Variants in MTUS1 observed in about 807,000 individuals in gnomAD.
The protein encoded by MTUS1 is microtubule associated scaffold protein 1, also known as microtubule-associated tumor suppressor 1.
In MTUS1, 109 loss-of-function variants were observed where a neutral mutation model predicts 120.8. The ratio of observed to expected loss-of-function variants is 0.90; its 90% CI spans 0.77 to 1.06. The LOEUF is 1.06. Ranked by LOEUF, MTUS1 falls within the 50% of genes least tolerant of loss-of-function variation. MTUS1 has a pLI of 0.00. For missense variants in MTUS1, 2,210 were observed against 1,486.3 expected, an observed-to-expected ratio of 1.49 and a Z score of -8.01; for synonymous variants, 737 against 550.5, an observed-to-expected ratio of 1.34 and a Z score of -4.74.
chr8:17,776,152 A>C (rs2050412006), intron 1 of MTUS1, among the ~76,000 whole-genome samples: 1 of 152,194 alleles, frequency 6.6e-6, no homozygotes, highest in Non-Finnish European at 1.5e-5. Context: ...AGAAAAAAAA[A>C]CAACAATACA....
intron 3 of MTUS1, among the ~76,000 whole-genome samples, chr8:17,742,269 G>GTTTTTGTTTTTTTTT (rs1554516813): frequency 1.1e-5 from 1 of 94,900 alleles, no homozygotes; most frequent in Non-Finnish European, 2.1e-5. Flanking sequence ...ATGCCCAGCT[G>GTTTTTGTTTTTTTTT]TTTTTTTTTT....
At chr8:17,735,495 A>C (rs1006165937) in intron 3 of MTUS1, among the ~76,000 whole-genome samples, 2 of 152,140 alleles carry the variant, frequency 1.3e-5, no homozygotes, top group Admixed American at 6.5e-5. Flanking sequence ...CTCATCTGTC[A>C]TTGACCCCGG....
chr8:17,798,846 G>A (rs967052045), intron 1 of MTUS1, among the ~76,000 whole-genome samples: 2 of 152,092 alleles, frequency 1.3e-5, no homozygotes, highest in African/African-American at 2.4e-5. Context: ...TCCATAAAAG[G>A]CTCTTATGAA....
At chr8:17,797,727 C>T (rs1468430150) in intron 1 of MTUS1, among the ~76,000 whole-genome samples, 7 of 152,192 alleles carry the variant, frequency 4.6e-5, no homozygotes, top group African/African-American at 1.7e-4. Context: ...CCCCTAAGCA[C>T]GCAGATCCTG....
In MTUS1 at chr8:17,660,542, A is replaced by C. The variant is rs568131069; in HGVS notation, c.2906-4477T>G. Among the ~76,000 whole-genome samples, 36 of 152,234 alleles carry C rather than the reference A, an allele frequency of 2.4e-4. 1 individual carries two copies. In the South Asian group the frequency reaches 7.3e-3, roughly 31 times the overall value. On this transcript the variant is annotated intron_variant, in intron 8 of 14. Coordinates refer to ENST00000693296, the MANE Select transcript of MTUS1 (RefSeq NM_001363059.2). ...GTCCCTGCTTTCAATTCTTTGGTGT[A>C]TATACCCAGAAGGAATTGCTGACTC...
At chr8:17,677,980 A>C (rs1813468498) in intron 7 of MTUS1, among the ~76,000 whole-genome samples, 1 of 152,196 alleles carries the variant, frequency 6.6e-6, no homozygotes, top group Admixed American at 6.5e-5. Flanking sequence ...GCCTACCTAG[A>C]ACTAGAACAT....
intron 5 of MTUS1, among the ~76,000 whole-genome samples, chr8:17,714,009 T>A (rs1002358571): frequency 6.6e-6 from 1 of 152,218 alleles, no homozygotes; most frequent in South Asian, 2.1e-4. Flanking sequence ...AAGCTGTCCA[T>A]GGAATCTCAT....
intron 3 of MTUS1, among the ~76,000 whole-genome samples, chr8:17,736,597 T>A (rs920958153): frequency 2.6e-5 from 4 of 152,174 alleles, no homozygotes; most frequent in Non-Finnish European, 4.4e-5. Flanking sequence ...TTTGCTTGTT[T>A]TTTTTGAGAT....
At chr8:17,736,367 G>A (rs2046927646) in intron 3 of MTUS1, among the ~76,000 whole-genome samples, 1 of 152,078 alleles carries the variant, frequency 6.6e-6, no homozygotes, top group African/African-American at 2.4e-5. Context: ...ACAGTGCGTG[G>A]TTCACTGTTC....
rs373035733 is a variant in MTUS1, at chr8:17,755,322, G to C, written c.486C>G (p.Asp162Glu). The C allele has an allele frequency of 7.4e-6, 12 of 1,614,050 alleles. No homozygotes were observed. Among genetic ancestry groups the C allele is most frequent in the African/African-American group, 2.7e-5 (2 of 74,928 alleles). Reference protein sequence around the residue: ...CDALELNQTFDMTVDKVNCTF... With the variant: ...CDALELNQTFEMTVDKVNCTF... ...TGCAGTTAACTTTATCCACTGTCAT[G>C]TCAAATGTTTGGTTTAGCTCCAAGG... Residue 162 changes from aspartate (D) to glutamate (E), a missense_variant, in exon 2 of 15, where the codon GAC (aspartate) becomes GAG (glutamate). Physicochemically the swap from Asp to Glu is conservative, Grantham distance 45. Transcript: ENST00000693296.
At chr8:17,696,286 C>T (rs1817928437) in intron 6 of MTUS1, among the ~76,000 whole-genome samples, 1 of 151,994 alleles carries the variant, frequency 6.6e-6, no homozygotes. Context: ...AATTCTCCCA[C>T]AGAGAAGGGA....
chr8:17,722,734 T>A (rs2045932679), intron 4 of MTUS1: 1 of 176,700 alleles, frequency 5.7e-6, no homozygotes, highest in Non-Finnish European at 1.1e-5. Flanking sequence ...TCAATCACCT[T>A]CTATATAAAT....
chr8:17,768,841 A>C (rs1283039399), intron 1 of MTUS1, among the ~76,000 whole-genome samples: 1 of 152,214 alleles, frequency 6.6e-6, no homozygotes, highest in Admixed American at 6.5e-5. Flanking sequence ...AAAGTCAAAG[A>C]ATCTCCCAAA....
At chr8:17,759,259 C>A (rs979572831) in intron 1 of MTUS1, among the ~76,000 whole-genome samples, 3 of 148,976 alleles carry the variant, frequency 2.0e-5, no homozygotes, top group African/African-American at 7.3e-5. Context: ...TACCAGTTGT[C>A]TTTTTTTATT....
rs558537485 is a variant in MTUS1, at chr8:17,721,645, A to C, written c.2449+2027T>G. The C allele has an allele frequency of 4.6e-5, 68 of 1,492,532 alleles. No individual in the cohort carries two copies. The African/African-American group carries it at 8.6e-4, about 19-fold the overall frequency. The allele number at this position is 1,492,532 out of a possible 1,614,324, so 92.5% of individuals were successfully genotyped here. On this transcript the variant is annotated intron_variant, in intron 4 of 14. Transcript: ENST00000693296. ...CAAAAACAGAAGTCAAGAGATCCTA[A>C]ATCAATTTATTGAATAAAAATTTAA...
Position 17,755,170 on chromosome 8 carries a change from G to C in MTUS1, c.638C>G (p.Ser213Cys), listed in dbSNP as rs765260967. Residue 213 changes from serine (S) to cysteine (C), a missense_variant, in exon 2 of 15, where the codon TCT becomes TGT. Ser to Cys is a moderately radical substitution (Grantham distance 112). Transcript: ENST00000693296. The stretch of plus-strand genomic sequence containing the variant: ...AGTTTCTCTTGCATGCGTCTTATCA[G>C]AATGGGAAGATGTCCAAGTGGAATA... ...LSYSTWTSSHSDKTHARETTY... is the reference protein window; with the variant it reads ...LSYSTWTSSHCDKTHARETTY... 6.2e-7 allele frequency: 1 copy of C among 1,614,020 alleles called. No homozygotes were observed. Among genetic ancestry groups the C allele is most frequent in the African/African-American group, 1.3e-5 (1 of 74,906 alleles).
intron 8 of MTUS1, among the ~76,000 whole-genome samples, chr8:17,659,733 C>A (rs890011696): frequency 2.0e-5 from 3 of 152,100 alleles, no homozygotes; most frequent in Non-Finnish European, 2.9e-5. Context: ...GAAGCAGATA[C>A]CAAATTAACC....
Position 17,714,559 on chromosome 8 carries a change from A to C in MTUS1, c.2584+1208T>G, listed in dbSNP as rs1031034499. Among the ~76,000 whole-genome samples, 3 of 152,222 alleles carry C rather than the reference A, an allele frequency of 2.0e-5. No individual in the cohort carries two copies. In the East Asian group the frequency reaches 5.8e-4, roughly 29 times the overall value. On this transcript the variant is annotated intron_variant, in intron 5 of 14. Coordinates refer to ENST00000693296, the MANE Select transcript of MTUS1 (RefSeq NM_001363059.2). ...ATAAAAGTCAGAAGTTGCCCACTATAAACTGAAGTGGACAACCATAGAATA... is the reference window on the plus strand; with the variant it reads ...ATAAAAGTCAGAAGTTGCCCACTATCAACTGAAGTGGACAACCATAGAATA...
chr8:17,754,819 T>C lies in MTUS1; in HGVS notation c.989A>G (p.His330Arg), dbSNP rs2048475995. The part of the protein sequence containing the change: ...SEPHSQSSYR[H>R]KEMGQNLRET... ...TCTCAGATTTTGGCCCATTTCCTTG[T>C]GCCTGTATGAGCTCTGTGAATGTGG... The change falls in exon 2 of 15, where the codon CAC becomes CGC. Residue 330 changes from histidine to arginine, a missense_variant. Transcript: ENST00000693296. 1 of 1,614,242 alleles carries C rather than the reference T, an allele frequency of 6.2e-7. No homozygotes were observed. Among genetic ancestry groups the C allele is most frequent in the Non-Finnish European group, 8.5e-7 (1 of 1,180,046 alleles).
Sources: allele counts gnomAD v4.1 joint callset (sites outside exome capture counted in the v4.1 genomes callset), GRCh38; gene constraint gnomAD v4.1.1; transcripts MANE v1.5; gene names NCBI Gene and HGNC (gene_info 2026-07-23, HGNC 2026-07-21).